The following JAZF1 variants were observed in gnomAD, a reference collection of about 807,000 sequenced individuals.
JAZF1 encodes the protein JAZF zinc finger 1.
In JAZF1, 8 loss-of-function variants were observed where a neutral mutation model predicts 26.4. The observed-to-expected ratio is 0.30, with a 90% CI of 0.18 to 0.55. JAZF1 has a LOEUF of 0.55. Ranked by LOEUF, JAZF1 falls within the 20% of genes least tolerant of loss-of-function variation. The pLI is 0.94. For synonymous variants in JAZF1, 126 were observed against 122.3 expected (o/e 1.03, Z -0.20); for missense variants, 199 against 322.0 (o/e 0.62, Z 2.92).
chr7:27,873,236 T>G (rs1329656492), intron 3 of JAZF1, among the ~76,000 whole-genome samples: 4 of 152,206 alleles, frequency 2.6e-5, no homozygotes, highest in Non-Finnish European at 5.9e-5. Context: ...CTAACTGATA[T>G]GCCAGGATCT....
At chr7:27,987,129 T>C (rs1238574239) in intron 2 of JAZF1, among the ~76,000 whole-genome samples, 1 of 150,602 alleles carries the variant, frequency 6.6e-6, no homozygotes, top group Admixed American at 6.6e-5. Context: ...GTCTGGGATG[T>C]GAGGAGCCCC....
intron 3 of JAZF1, among the ~76,000 whole-genome samples, chr7:27,872,751 G>A (rs1307360228): frequency 6.6e-6 from 1 of 152,100 alleles, no homozygotes; most frequent in Non-Finnish European, 1.5e-5. Context: ...TAAATGCGGA[G>A]GCTCCTTATT....
intron 1 of JAZF1, among the ~76,000 whole-genome samples, chr7:28,173,400 T>C (rs1421890284): frequency 6.6e-6 from 1 of 152,206 alleles, no homozygotes; most frequent in Non-Finnish European, 1.5e-5. Flanking sequence ...TGTATACATA[T>C]ACACACATAA....
intron 2 of JAZF1, among the ~76,000 whole-genome samples, chr7:27,935,246 T>C (rs747297494): frequency 1.1e-4 from 17 of 152,166 alleles, no homozygotes; most frequent in Admixed American, 7.9e-4. Context: ...CTATTGTTGG[T>C]GGGAATGTTA....
At chr7:28,055,759 G>C (rs1234697130) in intron 1 of JAZF1, among the ~76,000 whole-genome samples, 1 of 152,156 alleles carries the variant, frequency 6.6e-6, no homozygotes, top group East Asian at 1.9e-4. Context: ...GATGATAATA[G>C]CTTTCCTGAA....
chr7:27,835,347 A>C (rs537248545), intron 4 of JAZF1, among the ~76,000 whole-genome samples: 1 of 152,236 alleles, frequency 6.6e-6, no homozygotes, highest in Admixed American at 6.5e-5. Flanking sequence ...AGCCAGTCCA[A>C]TGTGAAGCCA....
chr7:28,002,573 T>C (rs909446243), intron 1 of JAZF1, among the ~76,000 whole-genome samples: 1 of 152,196 alleles, frequency 6.6e-6, no homozygotes, highest in Admixed American at 6.5e-5. Context: ...AGCAAGCATG[T>C]TAAGTGTAAC....
chr7:28,103,346 T>A (rs773124775), intron 1 of JAZF1, among the ~76,000 whole-genome samples: 1 of 152,090 alleles, frequency 6.6e-6, no homozygotes, highest in Non-Finnish European at 1.5e-5. Flanking sequence ...GTGGCTGAGG[T>A]GGGAGGATCC....
intron 1 of JAZF1, among the ~76,000 whole-genome samples, chr7:28,014,299 C>T (rs1782846141): frequency 6.6e-6 from 1 of 152,212 alleles, no homozygotes; most frequent in South Asian, 2.1e-4. Context: ...AACAGTGACA[C>T]AAATGGCATT....
At chr7:28,057,294 T>A (rs1031706719) in intron 1 of JAZF1, among the ~76,000 whole-genome samples, 1 of 152,334 alleles carries the variant, frequency 6.6e-6, no homozygotes, top group African/African-American at 2.4e-5. Context: ...TCTATCTGTA[T>A]GAGGTTTTCA....
rs773695136 is a variant in JAZF1 at position 27,831,767 on chromosome 7, G to C, written c.*1033C>G. ...GGTCTTAACAAAAGTGTTCATCTTT[G>C]AAACGTGCTTAGAATTTTAGTTCTG... On this transcript the variant is annotated 3_prime_UTR_variant, in exon 5 of 5. Transcript: ENST00000283928. The C allele has an allele frequency of 4.5e-6, 1 of 223,926 alleles. No individual in the cohort carries two copies. Among genetic ancestry groups the C allele is most frequent in the Non-Finnish European group, 8.9e-6 (1 of 112,008 alleles). 13.9% of individuals were successfully genotyped at this position (223,926 alleles called of 1,614,324 possible).
intron 4 of JAZF1, among the ~76,000 whole-genome samples, chr7:27,833,957 T>A (rs781251477): frequency 3.3e-5 from 5 of 152,150 alleles, no homozygotes; most frequent in Non-Finnish European, 7.4e-5. Context: ...AATTTCCAAG[T>A]CAGCAATTGC....
intron 1 of JAZF1, among the ~76,000 whole-genome samples, chr7:28,044,838 G>C (rs1227136941): frequency 1.3e-5 from 2 of 150,194 alleles, no homozygotes; most frequent in East Asian, 4.5e-4. Flanking sequence ...TACAGATTGA[G>C]AGACATTGTA....
chr7:28,012,059 T>C (rs1782808532), intron 1 of JAZF1, among the ~76,000 whole-genome samples: 1 of 152,238 alleles, frequency 6.6e-6, no homozygotes, highest in Non-Finnish European at 1.5e-5. Context: ...AAAATTTTTT[T>C]ATTGTAAATA....
chr7:27,907,064 G>T (rs186070304), intron 2 of JAZF1, among the ~76,000 whole-genome samples: 1 of 151,680 alleles, frequency 6.6e-6, no homozygotes, highest in East Asian at 1.9e-4. Flanking sequence ...TTGCACTAAG[G>T]CTCTTAGAGT....
chr7:27,856,785 A>C (rs1402217157), intron 3 of JAZF1, among the ~76,000 whole-genome samples: 1 of 152,228 alleles, frequency 6.6e-6, no homozygotes, highest in Non-Finnish European at 1.5e-5. Flanking sequence ...CCTTAGCTAG[A>C]CATGAAGGTT....
chr7:27,844,773 A>T lies in JAZF1; in HGVS notation c.386-3906T>A, dbSNP rs529917111. Among the ~76,000 whole-genome samples the T allele has an allele frequency of 7.2e-5, 11 of 152,354 alleles. No homozygotes were observed. In the South Asian group the frequency reaches 2.1e-3, roughly 29 times the overall value. ...CCTCACTTTGAGCCCACTGCCCTGC[A>T]TGCCAGCTGGGGCTCCAACGGGGCA... On this transcript the variant is annotated intron_variant, in intron 3 of 4. Transcript: ENST00000283928.
intron 3 of JAZF1, among the ~76,000 whole-genome samples, chr7:27,876,569 T>C (rs1348315316): frequency 6.6e-6 from 1 of 152,222 alleles, no homozygotes; most frequent in Non-Finnish European, 1.5e-5. Context: ...TTAATCTCTC[T>C]CTAGGTAAGT....
intron 1 of JAZF1, among the ~76,000 whole-genome samples, chr7:28,135,711 A>G (rs1782873076): frequency 6.6e-6 from 1 of 152,250 alleles, no homozygotes; most frequent in African/African-American, 2.4e-5. Flanking sequence ...AGCATGAACT[A>G]TAAAATACCT....
Sources: allele counts gnomAD v4.1 joint callset (sites outside exome capture counted in the v4.1 genomes callset), GRCh38; gene constraint gnomAD v4.1.1; transcripts MANE v1.5; gene names NCBI Gene and HGNC (gene_info 2026-07-23, HGNC 2026-07-21).